JAK1: variants seen among roughly 807,000 people sequenced by gnomAD.
JAK1 encodes Janus kinase 1.
Under a neutral mutation model 136.6 loss-of-function variants are expected in JAK1, and 16 were observed. The ratio of observed to expected loss-of-function variants is 0.12; its 90% CI spans 0.08 to 0.18. The LOEUF (loss-of-function observed/expected upper bound fraction) is 0.18, where lower values mean the gene tolerates loss of function less well. Among genes scored for constraint, JAK1 ranks in the 10% least tolerant of loss-of-function variants. The pLI, the probability that JAK1 is intolerant of heterozygous loss-of-function variation, is 1.00. For missense variants in JAK1, 859 were observed against 1,450.1 expected (o/e 0.59, Z 6.62); for synonymous variants, 492 against 519.5 (o/e 0.95, Z 0.72).
Position 64,834,519 on chromosome 1 carries a change from A to G in JAK1, c.*43T>C. 1 of 1,292,506 alleles carries G rather than the reference A, an allele frequency of 7.7e-7. No homozygotes were observed. Among genetic ancestry groups the G allele is most frequent in the Non-Finnish European group, 1.1e-6 (1 of 895,714 alleles). 80.1% of individuals were successfully genotyped at this position (1,292,506 alleles called of 1,614,324 possible). On this transcript the variant is annotated 3_prime_UTR_variant, in exon 25 of 25. Coordinates refer to ENST00000342505, the MANE Select transcript of JAK1 (RefSeq NM_002227.4). ...ATGACTTGGGCATTTGTTGCAGGAG[A>G]AGGACTTGATAATCTGTGGAATTTA...
intron 24 of JAK1, 72 bp downstream of exon 24, chr1:64,835,324 T>C (rs965432082): frequency 6.4e-6 from 5 of 780,608 alleles, no homozygotes; most frequent in East Asian, 2.6e-5. Context: ...CCTCTACCCA[T>C]TGCTGGACAA....
intron 2 of JAK1, among the ~76,000 whole-genome samples, chr1:65,005,416 G>A (rs1242406009): frequency 6.6e-6 from 1 of 152,094 alleles, no homozygotes; most frequent in Non-Finnish European, 1.5e-5. Context: ...AAGATGATGA[G>A]AGGTTACATA....
chr1:65,037,061 CTA>C (rs1270938886), intron 2 of JAK1, among the ~76,000 whole-genome samples: 2 of 152,152 alleles, frequency 1.3e-5, no homozygotes, highest in Non-Finnish European at 2.9e-5. Flanking sequence ...TAGCACATAC[CTA>C]TAGTCCCAGC....
intron 1 of JAK1, among the ~76,000 whole-genome samples, chr1:64,893,947 T>C (rs2101386826): frequency 6.6e-6 from 1 of 152,304 alleles, no homozygotes; most frequent in African/African-American, 2.4e-5. Context: ...CTACCAAGCA[T>C]TCACCTACTT....
intron 1 of JAK1, among the ~76,000 whole-genome samples, chr1:64,911,541 G>A (rs1035520568): frequency 6.6e-6 from 1 of 152,176 alleles, no homozygotes; most frequent in African/African-American, 2.4e-5. Flanking sequence ...AAAGATGACT[G>A]AAGTAACTAA....
At chr1:64,941,119 C>T (rs770728650) in intron 1 of JAK1, among the ~76,000 whole-genome samples, 5 of 152,144 alleles carry the variant, frequency 3.3e-5, no homozygotes, top group African/African-American at 1.2e-4. Context: ...AGCCAAAGAT[C>T]GTGCCACTGC....
chr1:64,881,590 T>C (rs2101243688), intron 3 of JAK1, among the ~76,000 whole-genome samples: 1 of 152,336 alleles, frequency 6.6e-6, no homozygotes, highest in South Asian at 2.1e-4. Context: ...AGTATGTATT[T>C]CTGAAATTGA....
At chr1:64,893,918 TA>T in intron 1 of JAK1, among the ~76,000 whole-genome samples, 1 of 152,326 alleles carries the variant, frequency 6.6e-6, no homozygotes, top group African/African-American at 2.4e-5. Context: ...CACCCCTTGC[TA>T]AATTTTACTA....
At chr1:64,837,203 T>C (rs529949487) in intron 22 of JAK1, among the ~76,000 whole-genome samples, 2 of 152,322 alleles carry the variant, frequency 1.3e-5, no homozygotes, top group East Asian at 1.9e-4. Context: ...CTCGGCCTAC[T>C]TGTTCACCAT....
chr1:64,995,511 T>G (rs1340642002), intron 2 of JAK1, among the ~76,000 whole-genome samples: 2 of 152,160 alleles, frequency 1.3e-5, no homozygotes. Flanking sequence ...TGTGCACGTT[T>G]TTTGTTTGTT....
chr1:65,026,716 G>A (rs1646980502), intron 2 of JAK1, among the ~76,000 whole-genome samples: 1 of 152,128 alleles, frequency 6.6e-6, no homozygotes, highest in African/African-American at 2.4e-5. Flanking sequence ...TGTAATCCCA[G>A]CACTTTGGGA....
chr1:64,959,820 A>G (rs1217208091), intron 1 of JAK1, among the ~76,000 whole-genome samples: 3 of 152,190 alleles, frequency 2.0e-5, no homozygotes, highest in East Asian at 1.9e-4. Flanking sequence ...AACATAGAAT[A>G]TATCTGTTAG....
chr1:64,879,001 GTA>G (rs754781769), intron 4 of JAK1, 22 bp downstream of exon 4: 402 of 1,613,124 alleles, frequency 2.5e-4, no homozygotes, highest in Non-Finnish European at 3.2e-4. Flanking sequence ...AGCCAGGCAG[GTA>G]CCAGGTCAGT....
chr1:64,956,191 C>T (rs1252882061), intron 1 of JAK1, among the ~76,000 whole-genome samples: 1 of 152,198 alleles, frequency 6.6e-6, no homozygotes, highest in African/African-American at 2.4e-5. Flanking sequence ...TTTCCCCTCA[C>T]AAAGTTTTCA....
intron 2 of JAK1, among the ~76,000 whole-genome samples, chr1:65,018,499 C>CACACAA (rs144744554): frequency 1.7e-4 from 26 of 151,584 alleles, no homozygotes; most frequent in East Asian, 5.8e-4. Context: ...CACACACACA[C>CACACAA]ACACACACAC....
At chr1:64,966,252 C>A (rs1291200873) in intron 1 of JAK1, 81 bp downstream of exon 1, 2 of 152,268 alleles carry the variant, frequency 1.3e-5, no homozygotes, top group Non-Finnish European at 2.9e-5. Context: ...GTGGCCGCGC[C>A]TCCGGCCAGT....
intron 8 of JAK1, among the ~76,000 whole-genome samples, chr1:64,864,040 T>C (rs1557645225): frequency 6.6e-6 from 1 of 152,040 alleles, no homozygotes; most frequent in African/African-American, 2.4e-5. Flanking sequence ...TACAAGAGAG[T>C]GACTGTCTGC....
chr1:65,050,010 C>T (rs533929576), intron 1 of JAK1, among the ~76,000 whole-genome samples: 1 of 152,290 alleles, frequency 6.6e-6, no homozygotes, highest in Non-Finnish European at 1.5e-5. Flanking sequence ...TGAAATGACA[C>T]CTTTTGAAAA....
intron 1 of JAK1, among the ~76,000 whole-genome samples, chr1:65,051,999 A>G (rs1569952208): frequency 6.6e-6 from 1 of 152,254 alleles, no homozygotes; most frequent in East Asian, 1.9e-4. Flanking sequence ...GCTGTTACCC[A>G]GGCTGGAGTG....
Sources: allele counts gnomAD v4.1 joint callset (sites outside exome capture counted in the v4.1 genomes callset), GRCh38; gene constraint gnomAD v4.1.1; transcripts MANE v1.5; gene names NCBI Gene and HGNC (gene_info 2026-07-23, HGNC 2026-07-21).